Variants in REEP1 observed in about 807,000 individuals in gnomAD.
The protein encoded by REEP1 is receptor expression-enhancing protein 1.
REEP1 carries 22 observed loss-of-function variants against 40.3 expected under a neutral mutation model. The ratio of observed to expected loss-of-function variants is 0.55; its 90% CI spans 0.39 to 0.78. The LOEUF (loss-of-function observed/expected upper bound fraction) is 0.78. Among genes scored for constraint, REEP1 ranks in the 30% least tolerant of loss-of-function variants. The probability of loss-of-function intolerance (pLI) is 0.00; values close to 1 mark genes in which losing one functional copy is unlikely to be tolerated. For synonymous variants in REEP1, 116 were observed against 139.2 expected, an observed-to-expected ratio of 0.83 and a Z score of 1.17; for missense variants, 280 against 361.1, an observed-to-expected ratio of 0.78 and a Z score of 1.82.
At chr2:86,250,371 C>T (rs984441526) in intron 5 of REEP1, among the ~76,000 whole-genome samples, 4 of 152,264 alleles carry the variant, frequency 2.6e-5, no homozygotes, top group Non-Finnish European at 4.4e-5. Context: ...ACAGGGTTTC[C>T]GTAGCTTTAC....
At chr2:86,265,422 G>A (rs762262061) in intron 2 of REEP1, among the ~76,000 whole-genome samples, 1 of 152,054 alleles carries the variant, frequency 6.6e-6, no homozygotes, top group African/African-American at 2.4e-5. Flanking sequence ...CAAACAAAAC[G>A]TATCTAGCTG....
rs749611347 is a variant in REEP1 at position 86,235,709 on chromosome 2, G to A, written c.418-2907C>T. ...GAAAGCAACAGCAGGCATCGTACAC[G>A]TTCATTTTAGCAAAGTGCTCCATTC... On this transcript the variant is annotated intron_variant, in intron 5 of 8. Transcript: ENST00000538924. Among the ~76,000 whole-genome samples the A allele has an allele frequency of 2.0e-5, 3 of 152,242 alleles. No homozygotes were observed. In the East Asian group the frequency reaches 5.8e-4, roughly 29 times the overall value.
In REEP1 at chr2:86,337,387, C is replaced by G. The variant is rs1033982309; in HGVS notation, c.32+92G>C. 21 of 829,870 alleles carry G rather than the reference C, an allele frequency of 2.5e-5. No homozygotes were observed. The highest frequency in any genetic ancestry group is 3.2e-5 in the Non-Finnish European group (20 of 633,082). The allele number at this position is 829,870 out of a possible 1,614,324, so 51.4% of individuals were successfully genotyped here. On this transcript the variant is annotated intron_variant, in intron 1 of 8. Coordinates refer to ENST00000538924, the MANE Select transcript of REEP1 (RefSeq NM_001371279.1). This position sits in a 1 kb window ranked among gnomAD's most constrained non-coding sequence, Gnocchi z 5.8. ...TGCGCCGGGTATTAATAGCCCGAGC[C>G]ACTGGGACCGGGCGCTGTAGGGGCG...
At chr2:86,293,722 GAC>G (rs1678843004) in intron 1 of REEP1, among the ~76,000 whole-genome samples, 1 of 152,200 alleles carries the variant, frequency 6.6e-6, no homozygotes, top group African/African-American at 2.4e-5. Flanking sequence ...ATAGTCCTAT[GAC>G]ACCATGTGAA....
At chr2:86,296,289 C>T (rs1376705430) in intron 1 of REEP1, among the ~76,000 whole-genome samples, 1 of 152,210 alleles carries the variant, frequency 6.6e-6, no homozygotes, top group African/African-American at 2.4e-5. Flanking sequence ...TACAAAAACT[C>T]TACGAAGTAG....
intron 1 of REEP1, among the ~76,000 whole-genome samples, chr2:86,286,464 G>A (rs1558915405): frequency 6.6e-6 from 1 of 152,288 alleles, no homozygotes; most frequent in African/African-American, 2.4e-5. Context: ...CTAGACTAGT[G>A]TGCTGTTTCC....
chr2:86,244,410 A>G (rs960637072), intron 5 of REEP1, among the ~76,000 whole-genome samples: 2 of 151,942 alleles, frequency 1.3e-5, no homozygotes, highest in African/African-American at 2.4e-5. Context: ...ACAAAATAAT[A>G]TAACTCTCAG....
At chr2:86,328,196 C>T (rs1680603503) in intron 1 of REEP1, among the ~76,000 whole-genome samples, 2 of 152,200 alleles carry the variant, frequency 1.3e-5, no homozygotes, top group Admixed American at 6.5e-5. Context: ...GGAAATCCAA[C>T]GTGAATCTCC....
At chr2:86,326,181 T>A (rs543071302) in intron 1 of REEP1, among the ~76,000 whole-genome samples, 1 of 152,218 alleles carries the variant, frequency 6.6e-6, no homozygotes, top group African/African-American at 2.4e-5. Flanking sequence ...TGACTGGTTA[T>A]GTGACCTCAT....
At chr2:86,237,054 C>T (rs536326433) in intron 5 of REEP1, among the ~76,000 whole-genome samples, 6 of 152,176 alleles carry the variant, frequency 3.9e-5, no homozygotes, top group Non-Finnish European at 7.3e-5. Context: ...AATTTTAAGA[C>T]GTATTTTTCA....
intron 5 of REEP1, among the ~76,000 whole-genome samples, chr2:86,249,259 CA>C (rs34241108): frequency 6.1e-4 from 87 of 141,768 alleles, no homozygotes; most frequent in East Asian, 6.2e-4. Flanking sequence ...GACTACATCT[CA>C]AAAAAAAAAA....
At chr2:86,296,129 T>C (rs1678971625) in intron 1 of REEP1, among the ~76,000 whole-genome samples, 1 of 152,204 alleles carries the variant, frequency 6.6e-6, no homozygotes, top group Non-Finnish European at 1.5e-5. Flanking sequence ...GTGAAGAATG[T>C]CCTATTATCC....
chr2:86,294,229 A>G (rs1291741739), intron 1 of REEP1, among the ~76,000 whole-genome samples: 1 of 152,248 alleles, frequency 6.6e-6, no homozygotes, highest in Non-Finnish European at 1.5e-5. Context: ...TTGTACAACA[A>G]TGTGCAATAA....
chr2:86,308,621 C>A (rs750388703), intron 1 of REEP1, among the ~76,000 whole-genome samples: 2 of 152,136 alleles, frequency 1.3e-5, no homozygotes, highest in Admixed American at 6.5e-5. Context: ...AGGAGCTTGC[C>A]GTGACAACTG....
At chr2:86,292,912 GGGT>G (rs1268589675) in intron 1 of REEP1, among the ~76,000 whole-genome samples, 3 of 152,126 alleles carry the variant, frequency 2.0e-5, no homozygotes, top group Non-Finnish European at 4.4e-5. Flanking sequence ...GTCTGGCAGA[GGGT>G]ATCAAAAGCC....
chr2:86,225,331 G>A lies in REEP1; in HGVS notation c.631+2032C>T, dbSNP rs558154325. On this transcript the variant is annotated intron_variant, in intron 7 of 8. Transcript: ENST00000538924. ...TTGTTGCCCAGGCTGGAGTGCAATG[G>A]CATGATATCGGCTCACCGCAACCTC... 2.0e-5 allele frequency among the ~76,000 whole-genome samples: 3 copies of A among 152,300 alleles called. No homozygotes were observed. In the South Asian group the frequency reaches 6.2e-4, roughly 32 times the overall value.
At chr2:86,225,177 G>A (rs1211608794) in intron 7 of REEP1, among the ~76,000 whole-genome samples, 2 of 152,222 alleles carry the variant, frequency 1.3e-5, no homozygotes, top group Admixed American at 1.3e-4. Flanking sequence ...GGGACACAGG[G>A]TTAGTCAGAG....
chr2:86,280,137 C>T (rs1574074838), intron 2 of REEP1: 4 of 435,050 alleles, frequency 9.2e-6, no homozygotes, highest in East Asian at 7.1e-5. Context: ...ACAAAATGGG[C>T]GCATTAGTCG....
chr2:86,240,812 T>C (rs74861281), intron 5 of REEP1, among the ~76,000 whole-genome samples: 4,612 of 152,290 alleles, frequency 0.03, 120 homozygotes, highest in East Asian at 0.07. Context: ...TCTCCCCATT[T>C]CTCTCACTTT....
Sources: allele counts gnomAD v4.1 joint callset (sites outside exome capture counted in the v4.1 genomes callset), GRCh38; gene constraint gnomAD v4.1.1; non-coding constraint Gnocchi (gnomAD v3.1); transcripts MANE v1.5; gene names NCBI Gene and HGNC (gene_info 2026-07-23, HGNC 2026-07-21).